TTC21B: variants seen among roughly 807,000 people sequenced by gnomAD.
TTC21B encodes the protein tetratricopeptide repeat protein 21B.
Under a neutral mutation model 175.1 loss-of-function variants are expected in TTC21B, and 127 were observed. The ratio of observed to expected loss-of-function variants is 0.73; its 90% CI spans 0.63 to 0.84. The LOEUF is 0.84. TTC21B is among the 40% of genes least tolerant of loss of function. The probability of loss-of-function intolerance (pLI) is 0.00; values close to 1 mark genes in which losing one functional copy is unlikely to be tolerated. For synonymous variants in TTC21B, 524 were observed against 524.5 expected (o/e 1.00, Z 0.01); for missense variants, 1,561 against 1,558.3 (o/e 1.00, Z -0.03).
chr2:165,943,410 A>C, intron 4 of TTC21B, 69 bp from the exon 5 acceptor site: 3 of 1,253,980 alleles, frequency 2.4e-6, no homozygotes, highest in Admixed American at 2.1e-5. Context: ...GAAAGAGCCT[A>C]ATGTCATTTT....
intron 4 of TTC21B, among the ~76,000 whole-genome samples, chr2:165,945,265 A>G (rs1008802530): frequency 1.4e-5 from 2 of 146,796 alleles, no homozygotes; most frequent in African/African-American, 4.9e-5. Flanking sequence ...GTAGAGAAAA[A>G]GAAAGAGAAA....
rs375721812 is a variant in TTC21B, at chr2:165,953,687, T to C, written c.19A>G (p.Lys7Glu). 1,002 of 794,418 alleles carry C rather than the reference T, an allele frequency of 1.3e-3. No individual in the cohort carries two copies. The highest frequency in any genetic ancestry group is 1.6e-3 in the Non-Finnish European group (944 of 579,120). The allele number at this position is 794,418 out of a possible 1,614,324, so 49.2% of individuals were successfully genotyped here. ...CGCTCACCCGCTCACCCGCTCACCT[T>C]CAATTCCTGCGAGTCCATGGCTGCC... MDSQEL[K>E]TLINYYCQER... is the part of the protein sequence containing the mutation. Residue 7 changes from lysine to glutamate, a missense_variant and splice_region_variant, in exon 1 of 29, where the codon AAG becomes GAG. Physicochemically the swap from Lys to Glu is moderately conservative, Grantham distance 56. Coordinates refer to ENST00000243344, the MANE Select transcript of TTC21B (RefSeq NM_024753.5).
intron 12 of TTC21B, among the ~76,000 whole-genome samples, chr2:165,920,882 T>C (rs1173164401): frequency 7.0e-6 from 1 of 143,226 alleles, no homozygotes; most frequent in Non-Finnish European, 1.5e-5. Context: ...CAACATCACA[T>C]TCTTTCTAAG....
intron 6 of TTC21B, among the ~76,000 whole-genome samples, chr2:165,933,560 A>T (rs1356861623): frequency 6.6e-6 from 1 of 152,208 alleles, no homozygotes; most frequent in Non-Finnish European, 1.5e-5. Flanking sequence ...AAACTTAAGA[A>T]ATGTGCAAAA....
rs769003862 is a variant in TTC21B at position 165,941,052 on chromosome 2, C to G, written c.685G>C (p.Asp229His). 6.2e-7 allele frequency: 1 copy of G among 1,613,920 alleles called. No homozygotes were observed. Among genetic ancestry groups the G allele is most frequent in the Non-Finnish European group, 8.5e-7 (1 of 1,179,862 alleles). The change falls in exon 6 of 29, where the codon GAC (aspartate) becomes CAC (histidine). Residue 229 changes from aspartate (D) to histidine (H), a missense_variant. Transcript: ENST00000243344. ...MKLQLALQDW[D>H]QTVETAQRLL... is the part of the protein sequence containing the mutation. ...CTTTGTGCTGTCTCAACTGTCTGGTCCCAATCCTGCAAGGCTAGTTGTAAT... is the reference window on the plus strand; with the variant it reads ...CTTTGTGCTGTCTCAACTGTCTGGTGCCAATCCTGCAAGGCTAGTTGTAAT...
At chr2:165,912,349 G>A (rs192197664) in intron 17 of TTC21B, among the ~76,000 whole-genome samples, 165 bp downstream of exon 17, 1 of 152,158 alleles carries the variant, frequency 6.6e-6, no homozygotes, top group Non-Finnish European at 1.5e-5. Context: ...AAGCAATGAA[G>A]AATCTGATAA....
rs1489788581 is a variant in TTC21B at position 165,913,605 on chromosome 2, A to G, written c.2180T>C (p.Leu727Pro). 17 of 1,613,012 alleles carry G rather than the reference A, an allele frequency of 1.1e-5. No individual in the cohort carries two copies. Among genetic ancestry groups the G allele is most frequent in the African/African-American group, 1.3e-5 (1 of 74,896 alleles). ...AATATTCATGTATGCATCACCAAGG[A>G]GAAGAAAAGACCGAGGGTTAGCCAT... ...ERMANPRSFL[L>P]LGDAYMNILE... The change falls in exon 16 of 29, where the codon CTC becomes CCC. Residue 727 changes from leucine to proline, a missense_variant. Transcript: ENST00000243344.
Position 165,951,005 on chromosome 2 carries a change from C to T in TTC21B, c.22-1281G>A, listed in dbSNP as rs1687747430. On this transcript the variant is annotated intron_variant, in intron 1 of 28. Coordinates refer to ENST00000243344, the MANE Select transcript of TTC21B (RefSeq NM_024753.5). ...GACTGTTCTCTGTAATTTTACTCTG[C>T]CTCCCTCCTTGTGATCACTGCTCCC... Among the ~76,000 whole-genome samples, 7 of 152,086 alleles carry T rather than the reference C, an allele frequency of 4.6e-5. No individual in the cohort carries two copies. The South Asian group carries it at 1.5e-3, about 32-fold the overall frequency.
chr2:165,931,630 G>C lies in TTC21B; in HGVS notation c.894+128C>G, dbSNP rs139804550. ...CTCCTCTAAACTGCCTTTCCTAGGAGTATATCATATATTTAAATACATATT... is the reference window on the plus strand; with the variant it reads ...CTCCTCTAAACTGCCTTTCCTAGGACTATATCATATATTTAAATACATATT... On this transcript the variant is annotated intron_variant, in intron 8 of 28. Coordinates refer to ENST00000243344, the MANE Select transcript of TTC21B (RefSeq NM_024753.5). 2.1e-5 allele frequency: 17 copies of C among 791,918 alleles called. No individual in the cohort carries two copies. In the African/African-American group the frequency reaches 2.9e-4, roughly 14 times the overall value. 49.1% of individuals were successfully genotyped at this position (791,918 alleles called of 1,614,324 possible).
chr2:165,890,010 T>A (rs2105291057), intron 24 of TTC21B, among the ~76,000 whole-genome samples: 1 of 152,308 alleles, frequency 6.6e-6, no homozygotes, highest in South Asian at 2.1e-4. Context: ...GTCTAAATCT[T>A]GCCTCCATCA....
chr2:165,898,530 T>G, intron 22 of TTC21B, 156 bp downstream of exon 22: 1 of 695,840 alleles, frequency 1.4e-6, no homozygotes, highest in South Asian at 1.5e-5. Flanking sequence ...AATTTCCTTA[T>G]AGCCATTTCA....
At position 165,953,729 on chromosome 2, in the gene TTC21B, G is replaced by T. The variant is rs554218980; in HGVS notation, c.-24C>A. 2 of 1,546,450 alleles carry T rather than the reference G, an allele frequency of 1.3e-6. No homozygotes were observed. The highest frequency in any genetic ancestry group is 1.7e-6 in the Non-Finnish European group (2 of 1,146,300). ...ATGGCTGCCCCGAGGCCGGGCCGCG[G>T]GGCTCTGGGGATTGTCTCGCCGCAG... On this transcript the variant is annotated 5_prime_UTR_variant, in exon 1 of 29. Transcript: ENST00000243344.
intron 6 of TTC21B, among the ~76,000 whole-genome samples, chr2:165,935,734 T>C (rs924239063): frequency 6.6e-6 from 1 of 152,138 alleles, no homozygotes; most frequent in African/African-American, 2.4e-5. Flanking sequence ...TAAAGTAAAA[T>C]ACTTAGGTAC....
At chr2:165,917,571 T>A (rs1465814783) in intron 13 of TTC21B, 90 bp from the exon 14 acceptor site, 5 of 1,042,874 alleles carry the variant, frequency 4.8e-6, no homozygotes, top group Non-Finnish European at 7.3e-6. Flanking sequence ...ATGAGATCAC[T>A]GAGAACAGTC....
chr2:165,941,321 C>T, intron 5 of TTC21B, 137 bp from the exon 6 acceptor site: 1 of 907,602 alleles, frequency 1.1e-6, no homozygotes, highest in African/African-American at 1.7e-5. Context: ...AAGTTTTTGT[C>T]AAAACAAAAT....
chr2:165,946,737 T>G (rs1363284488), intron 3 of TTC21B, among the ~76,000 whole-genome samples: 1 of 152,032 alleles, frequency 6.6e-6, no homozygotes, highest in East Asian at 1.9e-4. Flanking sequence ...CTTGGGAGGC[T>G]GAGGCAGGGA....
intron 13 of TTC21B, among the ~76,000 whole-genome samples, chr2:165,918,788 A>G (rs1686279910): frequency 6.6e-6 from 1 of 152,174 alleles, no homozygotes; most frequent in Admixed American, 6.5e-5. Context: ...TTGGATAGAA[A>G]AGTACTGTGT....
At chr2:165,923,820 G>A (rs184283108) in intron 12 of TTC21B, among the ~76,000 whole-genome samples, 27 of 147,172 alleles carry the variant, frequency 1.8e-4, no homozygotes, top group African/African-American at 6.7e-4. Flanking sequence ...GCGTGATCCT[G>A]GCTCAATGCA....
Position 165,911,477 on chromosome 2 carries a change from T to G in TTC21B, c.2323-12A>C. ...TAGTAAGTGATTGCCTAAACAAAATTCATTCCATTTAAGGGAACAAGGCAA... is the reference window on the plus strand; with the variant it reads ...TAGTAAGTGATTGCCTAAACAAAATGCATTCCATTTAAGGGAACAAGGCAA... On this transcript the variant is annotated splice_polypyrimidine_tract_variant and intron_variant, in intron 17 of 28. Transcript: ENST00000243344. 2.5e-6 allele frequency: 4 copies of G among 1,613,600 alleles called. No homozygotes were observed. Among genetic ancestry groups the G allele is most frequent in the Non-Finnish European group, 3.4e-6 (4 of 1,179,772 alleles).
Sources: allele counts gnomAD v4.1 joint callset (sites outside exome capture counted in the v4.1 genomes callset), GRCh38; gene constraint gnomAD v4.1.1; transcripts MANE v1.5; gene names NCBI Gene and HGNC (gene_info 2026-07-23, HGNC 2026-07-21).